SOX5: variants seen among roughly 807,000 people sequenced by gnomAD.
SOX5 encodes SRY-box transcription factor 5, also known as transcription factor SOX-5.
In SOX5, 9 loss-of-function variants were observed where a neutral mutation model predicts 92.0. The observed-to-expected ratio is 0.10, with a 90% CI of 0.06 to 0.17. SOX5 has a LOEUF of 0.17. Ranked by LOEUF, SOX5 falls within the 10% of genes least tolerant of loss-of-function variation. The pLI, the probability that SOX5 is intolerant of heterozygous loss-of-function variation, is 1.00. For missense variants in SOX5, 642 were observed against 944.5 expected (o/e 0.68, Z 4.20); for synonymous variants, 344 against 336.3 (o/e 1.02, Z -0.25).
chr12:24,248,735 C>T (rs1207661663), intron 3 of SOX5, among the ~76,000 whole-genome samples: 1 of 152,076 alleles, frequency 6.6e-6, no homozygotes, highest in African/African-American at 2.4e-5. Context: ...CACTCTCTCT[C>T]CTTCATGTTC....
In SOX5 at chr12:24,183,910, T is replaced by G. The variant is rs140460650; in HGVS notation, c.-2+29433A>C. On this transcript the variant is annotated intron_variant, in intron 4 of 4. Transcript: ENST00000446891. ...AGTACCTACTCGCCTTCAATTAATT[T>G]GTGAGAACTGATGTATGTAAACACT... 2.6e-3 allele frequency among the ~76,000 whole-genome samples: 389 copies of G among 152,326 alleles called. 2 individuals are homozygous for G. The highest frequency in any genetic ancestry group is 3.5e-3 in the Non-Finnish European group (236 of 68,018).
At chr12:23,606,861 A>C (rs2075315844) in intron 8 of SOX5, among the ~76,000 whole-genome samples, 1 of 152,156 alleles carries the variant, frequency 6.6e-6, no homozygotes, top group Non-Finnish European at 1.5e-5. Flanking sequence ...TTGAGTTGAA[A>C]GGGAAGAAAC....
chr12:24,399,151 T>C (rs1960853845), intron 1 of SOX5, among the ~76,000 whole-genome samples: 4 of 152,204 alleles, frequency 2.6e-5, no homozygotes, highest in Non-Finnish European at 4.4e-5. Context: ...TCTTACATGA[T>C]TGCAGCTAAA....
chr12:24,292,553 G>A (rs901157077), intron 2 of SOX5, among the ~76,000 whole-genome samples: 43 of 152,248 alleles, frequency 2.8e-4, no homozygotes, highest in African/African-American at 9.6e-4. Context: ...CATGATTTGG[G>A]ATACCCTATT....
intron 3 of SOX5, among the ~76,000 whole-genome samples, chr12:24,223,502 C>T (rs542313657): frequency 2.8e-4 from 43 of 152,134 alleles, no homozygotes; most frequent in Non-Finnish European, 1.2e-4. Flanking sequence ...ACCTGTAATC[C>T]CAGTACTTTG....
At chr12:23,561,916 G>T (rs748112118) in intron 11 of SOX5, among the ~76,000 whole-genome samples, 2 of 152,066 alleles carry the variant, frequency 1.3e-5, no homozygotes, top group Non-Finnish European at 2.9e-5. Context: ...ATTTAGCTAT[G>T]CTTGCGAGGA....
At chr12:24,315,737 C>T (rs892837194) in intron 2 of SOX5, among the ~76,000 whole-genome samples, 4 of 152,096 alleles carry the variant, frequency 2.6e-5, no homozygotes, top group African/African-American at 9.7e-5. Flanking sequence ...TTACTAATTT[C>T]CTCTAGTTTC....
chr12:23,656,268 A>T (rs1252466207), intron 7 of SOX5, among the ~76,000 whole-genome samples: 1 of 152,074 alleles, frequency 6.6e-6, no homozygotes, highest in Non-Finnish European at 1.5e-5. Flanking sequence ...ATTCACAGAT[A>T]ACTTGGGCCA....
At chr12:24,462,189 T>C (rs1215679172) in intron 1 of SOX5, among the ~76,000 whole-genome samples, 1 of 152,238 alleles carries the variant, frequency 6.6e-6, no homozygotes, top group Admixed American at 6.5e-5. Context: ...CGCAGCCTAT[T>C]ACTCCCAGTC....
Position 24,331,855 on chromosome 12 carries a change from A to T in SOX5, c.-174+36708T>A, listed in dbSNP as rs1951357701. On this transcript the variant is annotated intron_variant, in intron 2 of 4. Coordinates refer to the SOX5 transcript ENST00000446891. ...AACAGAGCAAGACTGTCTCAAAAAAAAAAAAAAAAAAAAAAAAAAAGGAAA... is the reference window on the plus strand; with the variant it reads ...AACAGAGCAAGACTGTCTCAAAAAATAAAAAAAAAAAAAAAAAAAAGGAAA... 2.8e-5 allele frequency among the ~76,000 whole-genome samples: 4 copies of T among 145,442 alleles called. No individual in the cohort carries two copies. In the South Asian group the frequency reaches 8.5e-4, roughly 31 times the overall value.
At chr12:24,115,461 G>A (rs1255974169) in intron 4 of SOX5, among the ~76,000 whole-genome samples, 1 of 152,136 alleles carries the variant, frequency 6.6e-6, no homozygotes, top group African/African-American at 2.4e-5. Flanking sequence ...GATGTACCCC[G>A]ATAAGCTCTA....
chr12:24,109,870 A>C (rs1206929887), intron 4 of SOX5, among the ~76,000 whole-genome samples: 1 of 152,234 alleles, frequency 6.6e-6, no homozygotes, highest in Non-Finnish European at 1.5e-5. Context: ...TTTCCAAAAA[A>C]TAAAGACAGA....
At chr12:23,838,442 A>G (rs1367323442) in intron 3 of SOX5, among the ~76,000 whole-genome samples, 3 of 151,880 alleles carry the variant, frequency 2.0e-5, no homozygotes, top group East Asian at 1.9e-4. Context: ...TGTATATTCA[A>G]AGTACATGTC....
chr12:24,201,484 A>G (rs1165835047), intron 4 of SOX5, among the ~76,000 whole-genome samples: 2 of 152,236 alleles, frequency 1.3e-5, no homozygotes. Context: ...TACTAGCAGT[A>G]TAATTTGAGA....
chr12:24,065,668 A>G (rs981030360), intron 4 of SOX5, among the ~76,000 whole-genome samples: 1 of 112,756 alleles, frequency 8.9e-6, no homozygotes, highest in African/African-American at 2.7e-5. Context: ...AAAAAAAAAG[A>G]AAAGAAAAAA....
chr12:24,551,004 T>C (rs1380851677), intron 1 of SOX5, among the ~76,000 whole-genome samples: 7 of 152,232 alleles, frequency 4.6e-5, no homozygotes, highest in Non-Finnish European at 1.0e-4. Context: ...CTTCCAACAA[T>C]GCTGAACCCA....
In SOX5 at chr12:24,335,979, A is replaced by ATATATATATATATATC. The variant is rs1301436341; in HGVS notation, c.-174+32583_-174+32584insGATATATATATATATA. Among the ~76,000 whole-genome samples the ATATATATATATATATC allele has an allele frequency of 9.5e-4, 134 of 140,352 alleles. 14 individuals carry two copies. The highest frequency in any genetic ancestry group is 3.4e-3 in the African/African-American group (131 of 38,170). 92.1% of individuals were successfully genotyped at this position (140,352 alleles called of 152,430 possible). ...CCAGGCTAGAAATGCTATCATATAT[A>ATATATATATATATATC]TATATATATCCATAATATTAAATTT... On this transcript the variant is annotated intron_variant, in intron 2 of 4. Transcript: ENST00000446891.
chr12:24,289,266 G>A lies in SOX5; in HGVS notation c.-173-11954C>T, dbSNP rs373756206. Among the ~76,000 whole-genome samples the A allele has an allele frequency of 1.2e-3, 169 of 141,488 alleles. 1 individual carries two copies. Among genetic ancestry groups the A allele is most frequent in the Middle Eastern group, 7.5e-3 (2 of 268 alleles). The allele number at this position is 141,488 out of a possible 152,430, so 92.8% of individuals were successfully genotyped here. A position where few individuals can be genotyped will look rare whatever the true frequency, so the allele number is the denominator to read the frequency against. On this transcript the variant is annotated intron_variant, in intron 2 of 4. Coordinates refer to the SOX5 transcript ENST00000446891. The stretch of plus-strand genomic sequence containing the variant: ...ACTGTACTCCAGCCTGGGTGACACG[G>A]TGAGAACCTGTCTCAAAAAAAAAAC...
At chr12:23,770,897 G>C (rs1214420364) in intron 3 of SOX5, among the ~76,000 whole-genome samples, 2 of 152,084 alleles carry the variant, frequency 1.3e-5, no homozygotes, top group Non-Finnish European at 2.9e-5. Context: ...AAGGTGGGGT[G>C]CTTGTTTTAT....
Sources: gnomAD v4.1 joint callset for allele counts (sites outside exome capture counted in the v4.1 genomes callset) on GRCh38, gnomAD v4.1.1 for gene constraint, MANE v1.5 for transcripts, NCBI Gene and HGNC (gene_info 2026-07-23, HGNC 2026-07-21) for gene names.